PCDHGB7: variants seen among roughly 807,000 people sequenced by gnomAD.
PCDHGB7 encodes protocadherin gamma-B7.
A neutral mutation model predicts 61.4 loss-of-function variants in PCDHGB7; 37 were observed. That is an observed-to-expected ratio of 0.60 (90% CI 0.46 to 0.79). The LOEUF is 0.79. Ranked by LOEUF, PCDHGB7 falls within the 30% of genes least tolerant of loss-of-function variation. The pLI, the probability that PCDHGB7 is intolerant of heterozygous loss-of-function variation, is 0.00. For synonymous variants in PCDHGB7, 464 were observed against 503.5 expected (o/e 0.92, Z 1.05); for missense variants, 1,166 against 1,202.5 (o/e 0.97, Z 0.45).
At position 141,486,653 on chromosome 5, in the gene PCDHGB7, C is replaced by A; in HGVS notation, c.2416-8154C>A. 1 of 1,613,968 alleles carries A rather than the reference C, an allele frequency of 6.2e-7. No homozygotes were observed. Among genetic ancestry groups the A allele is most frequent in the Non-Finnish European group, 8.5e-7 (1 of 1,180,034 alleles). On this transcript the variant is annotated intron_variant, in intron 1 of 3. Coordinates refer to ENST00000398594, the MANE Select transcript of PCDHGB7 (RefSeq NM_018927.4). This position sits in a 1 kb window ranked among gnomAD's most constrained non-coding sequence, Gnocchi z 5.0. ...CTTGAATGCGCTTATCTCCTACTCA[C>A]TCCTGGAGCCCAGGAATCGAGATGT... is the stretch of plus-strand genomic sequence containing the variant.
At chr5:141,510,272 T>TAA (rs546154379) in intron 3 of PCDHGB7, among the ~76,000 whole-genome samples, 3,403 of 130,344 alleles carry the variant, frequency 0.026, 48 homozygotes, top group East Asian at 0.043. Context: ...GACTCCATCT[T>TAA]AAAAAAAAAA....
intron 1 of PCDHGB7, among the ~76,000 whole-genome samples, chr5:141,447,244 A>T (rs1475037979): frequency 6.6e-6 from 1 of 152,062 alleles, no homozygotes; most frequent in Non-Finnish European, 1.5e-5. Flanking sequence ...GGTTCAAGTG[A>T]TTCTTCTGTC....
At position 141,418,346 on chromosome 5, in the gene PCDHGB7, A is replaced by G. The variant is rs780933957; in HGVS notation, c.487A>G (p.Ser163Gly). The part of the protein sequence containing the change: ...ILESAEDPDI[S>G]MNSLSKYQLS... Reference sequence around the variant, plus strand: ...TGAGTCTGCAGAAGATCCTGATATTAGTATGAATTCGCTGAGCAAATACCA... The same window carrying G: ...TGAGTCTGCAGAAGATCCTGATATTGGTATGAATTCGCTGAGCAAATACCA... Residue 163 changes from serine (S) to glycine (G), a missense_variant, in exon 1 of 4, where the codon AGT (serine) becomes GGT (glycine). By Grantham distance (56) the Ser-to-Gly change is moderately conservative (BLOSUM62 0). Transcript: ENST00000398594. 1.7e-5 allele frequency: 27 copies of G among 1,614,022 alleles called. No individual in the cohort carries two copies. The highest frequency in any genetic ancestry group is 2.2e-5 in the South Asian group (2 of 91,088).
chr5:141,464,911 T>G (rs2099093002), intron 1 of PCDHGB7, among the ~76,000 whole-genome samples: 1 of 151,718 alleles, frequency 6.6e-6, no homozygotes, highest in Non-Finnish European at 1.5e-5. Context: ...GCTAATTTTT[T>G]TATTTTTTTG....
Position 141,418,991 on chromosome 5 carries a change from G to A in PCDHGB7, c.1132G>A (p.Glu378Lys), listed in dbSNP as rs1335937354. 6.2e-7 allele frequency: 1 copy of A among 1,613,836 alleles called. No individual in the cohort carries two copies. The change falls in exon 1 of 4, where the codon GAA (glutamate) becomes AAA (lysine). Residue 378 changes from glutamate to lysine, a missense_variant. Transcript: ENST00000398594. ...LFKTRDQDSGENGEVRCSLSR... is the reference protein window; with the variant it reads ...LFKTRDQDSGKNGEVRCSLSR... The stretch of plus-strand genomic sequence containing the variant: ...CAAAACACGGGACCAAGACTCAGGG[G>A]AAAATGGGGAAGTCAGGTGTAGCTT...
intron 1 of PCDHGB7, chr5:141,439,807 G>A (rs2098132839): frequency 6.6e-6 from 1 of 152,336 alleles, no homozygotes; most frequent in African/African-American, 2.4e-5. Context: ...AGTTTGAAAA[G>A]GGGCTTATTT....
chr5:141,490,061 A>T lies in PCDHGB7; in HGVS notation c.2416-4746A>T. The stretch of plus-strand genomic sequence containing the variant: ...GCCACTGATCCAGACGAGGGCACCA[A>T]CGGCCAACTAGACTATTCTTTTGGA... On this transcript the variant is annotated intron_variant, in intron 1 of 3. Transcript: ENST00000398594. This position sits in a 1 kb window ranked among gnomAD's most constrained non-coding sequence, Gnocchi z 5.4. 1 of 1,614,214 alleles carries T rather than the reference A, an allele frequency of 6.2e-7. No homozygotes were observed. The highest frequency in any genetic ancestry group is 8.5e-7 in the Non-Finnish European group (1 of 1,180,030).
Position 141,490,522 on chromosome 5 carries a change from G to A in PCDHGB7, c.2416-4285G>A, listed in dbSNP as rs191201177. ...CTATATCATCGAGCTGCTGGCCAGC[G>A]ATGCTGGTTCACCTTCCCTACACAA... On this transcript the variant is annotated intron_variant, in intron 1 of 3. Transcript: ENST00000398594. This position sits in a 1 kb window ranked among gnomAD's most constrained non-coding sequence, Gnocchi z 5.4. 5.0e-6 allele frequency: 8 copies of A among 1,614,054 alleles called. No homozygotes were observed. Among genetic ancestry groups the A allele is most frequent in the Admixed American group, 3.3e-5 (2 of 60,010 alleles).
At chr5:141,492,009 G>C in intron 1 of PCDHGB7, 1 of 617,702 alleles carries the variant, frequency 1.6e-6, no homozygotes, top group Non-Finnish European at 2.7e-6. Flanking sequence ...GATTTCCGCG[G>C]GTGTCGGGGG....
At chr5:141,480,414 C>CA (rs10712552) in intron 1 of PCDHGB7, among the ~76,000 whole-genome samples, 44 of 147,474 alleles carry the variant, frequency 3.0e-4, no homozygotes, top group Non-Finnish European at 4.4e-4. Context: ...GACCCTGTCT[C>CA]AAAAAAAAAA....
chr5:141,421,507 G>A lies in PCDHGB7; in HGVS notation c.2415+1233G>A, dbSNP rs758920296. On this transcript the variant is annotated intron_variant, in intron 1 of 3. Coordinates refer to ENST00000398594, the MANE Select transcript of PCDHGB7 (RefSeq NM_018927.4). ...GATCACGGCAGGCAGGATAGACCGG[G>A]AGGAGCTCTGTGAGACGGTGTCCTC... The A allele has an allele frequency of 6.8e-6, 11 of 1,614,070 alleles. No homozygotes were observed. The South Asian group carries it at 1.2e-4, about 18-fold the overall frequency.
chr5:141,477,184 C>T lies in PCDHGB7; in HGVS notation c.2416-17623C>T. On this transcript the variant is annotated intron_variant, in intron 1 of 3. Coordinates refer to ENST00000398594, the MANE Select transcript of PCDHGB7 (RefSeq NM_018927.4). The surrounding 1 kb of genome is among the most constrained non-coding windows in gnomAD (Gnocchi z 4.9). ...ACGCCCCGGAGATCACAGTCACCTC[C>T]GTGTACAGCCCAGTACCCGAGGATG... The T allele has an allele frequency of 3.7e-6, 6 of 1,614,178 alleles. No individual in the cohort carries two copies. Among genetic ancestry groups the T allele is most frequent in the Non-Finnish European group, 5.1e-6 (6 of 1,180,032 alleles).
At chr5:141,478,117 C>T (rs1419172538) in intron 1 of PCDHGB7, 2 of 1,614,058 alleles carry the variant, frequency 1.2e-6, no homozygotes, top group East Asian at 4.5e-5. Flanking sequence ...TGTCAGTAAC[C>T]GAGGACTCTC....
intron 1 of PCDHGB7, among the ~76,000 whole-genome samples, chr5:141,449,003 T>A (rs2098622649): frequency 1.3e-5 from 2 of 152,280 alleles, no homozygotes; most frequent in African/African-American, 4.8e-5. Context: ...AAAGCTGTTT[T>A]TTTTAACAGT....
chr5:141,437,408 G>A (rs1591455458), intron 1 of PCDHGB7, among the ~76,000 whole-genome samples: 1 of 152,200 alleles, frequency 6.6e-6, no homozygotes, highest in Non-Finnish European at 1.5e-5. Flanking sequence ...CATTCCAGAA[G>A]TATTATGCTT....
chr5:141,477,884 G>A lies in PCDHGB7; in HGVS notation c.2416-16923G>A. On this transcript the variant is annotated intron_variant, in intron 1 of 3. Transcript: ENST00000398594. The surrounding 1 kb of genome is among the most constrained non-coding windows in gnomAD (Gnocchi z 4.9). ...TCGAGGTACCTCAGCTGGCCACCTA[G>A]TGTCACGGGTGGTAGGCTGGGACGC... 6.2e-7 allele frequency: 1 copy of A among 1,614,190 alleles called. No homozygotes were observed. The highest frequency in any genetic ancestry group is 8.5e-7 in the Non-Finnish European group (1 of 1,180,036).
chr5:141,457,264 C>T (rs2098915249), intron 1 of PCDHGB7, among the ~76,000 whole-genome samples: 1 of 152,142 alleles, frequency 6.6e-6, no homozygotes, highest in South Asian at 2.1e-4. Flanking sequence ...ATAGAATTCC[C>T]CTCTGTGGGC....
chr5:141,450,851 G>T (rs1184272833), intron 1 of PCDHGB7, among the ~76,000 whole-genome samples: 1 of 142,602 alleles, frequency 7.0e-6, no homozygotes, highest in Non-Finnish European at 1.5e-5. Context: ...TTGAGATGGG[G>T]TCTTGCTCTG....
intron 1 of PCDHGB7, among the ~76,000 whole-genome samples, chr5:141,464,300 A>G (rs1349155102): frequency 2.0e-5 from 3 of 149,898 alleles, no homozygotes; most frequent in East Asian, 1.9e-4. Context: ...ACTCCATTGT[A>G]TGTGCACATA....
Sources: allele counts gnomAD v4.1 joint callset (sites outside exome capture counted in the v4.1 genomes callset), GRCh38; gene constraint gnomAD v4.1.1; non-coding constraint Gnocchi (gnomAD v3.1); transcripts MANE v1.5; gene names NCBI Gene and HGNC (gene_info 2026-07-23, HGNC 2026-07-21).